Variants in TPO observed in about 807,000 individuals in gnomAD.
The protein encoded by TPO is thyroid peroxidase.
A neutral mutation model predicts 96.9 loss-of-function variants in TPO; 78 were observed. That is an observed-to-expected ratio of 0.81 (90% CI 0.67 to 0.97). The LOEUF (loss-of-function observed/expected upper bound fraction) is 0.97, where lower values mean the gene tolerates loss of function less well. Among genes scored for constraint, TPO ranks in the 50% least tolerant of loss-of-function variants. TPO has a pLI of 0.00. For missense variants in TPO, 1,252 were observed against 1,274.8 expected, an observed-to-expected ratio of 0.98 and a Z score of 0.27; for synonymous variants, 547 against 538.0, an observed-to-expected ratio of 1.02 and a Z score of -0.23.
intron 15 of TPO, among the ~76,000 whole-genome samples, chr2:1,538,306 C>A (rs1396623049): frequency 6.6e-6 from 1 of 152,088 alleles, no homozygotes; most frequent in Non-Finnish European, 1.5e-5. Context: ...CAAAGGAAAG[C>A]GGGTTGAATT....
intron 16 of TPO, chr2:1,540,982 G>GT: frequency 6.9e-7 from 1 of 1,449,928 alleles, no homozygotes; most frequent in Non-Finnish European, 9.2e-7. Flanking sequence ...ACTTTCAGGC[G>GT]TTTGCTTCCA....
chr2:1,487,951 G>A lies in TPO; in HGVS notation c.1728G>A (p.Ala576=), dbSNP rs78406347. The A allele has an allele frequency of 0.013, 20,662 of 1,613,894 alleles. 687 individuals carry two copies. The highest frequency in any genetic ancestry group is 0.11 in the East Asian group (4,742 of 44,866). ...CCAATTCCAGCACCTTGGATCTGGC[G>A]TCCATCAACCTGCAGAGGGGCCGGG... ...VLSNSSTLDL[A]SINLQRGRDH... Residue 576 remains alanine, a synonymous_variant, in exon 10 of 17, where the codon GCG becomes GCA. Transcript: ENST00000329066.
intron 15 of TPO, among the ~76,000 whole-genome samples, chr2:1,538,839 C>T (rs1680383251): frequency 6.6e-6 from 1 of 152,158 alleles, no homozygotes; most frequent in Non-Finnish European, 1.5e-5. Flanking sequence ...CAGGGCTTTG[C>T]TCCCCCCGAA....
intron 1 of TPO, among the ~76,000 whole-genome samples, chr2:1,394,867 T>G (rs1266249192): frequency 1.3e-5 from 2 of 152,114 alleles, no homozygotes; most frequent in Admixed American, 6.5e-5. Flanking sequence ...GAGATGCGGT[T>G]AGATTTGCAG....
intron 5 of TPO, among the ~76,000 whole-genome samples, chr2:1,438,364 C>T (rs1014888926): frequency 6.6e-6 from 1 of 152,176 alleles, no homozygotes; most frequent in Non-Finnish European, 1.5e-5. Flanking sequence ...TCTTAAACAG[C>T]GTTAACAAGT....
At chr2:1,411,581 A>G (rs1327307374), upstream of TPO, among the ~76,000 whole-genome samples, 4 of 152,204 alleles carry the variant, frequency 2.6e-5, no homozygotes, top group Non-Finnish European at 5.9e-5. Context: ...GAATGCCTTA[A>G]CAAAGGGCCA....
At chr2:1,388,897 T>G (rs1278977902) in intron 1 of TPO, among the ~76,000 whole-genome samples, 2 of 152,180 alleles carry the variant, frequency 1.3e-5, no homozygotes, top group Non-Finnish European at 2.9e-5. Context: ...ACCTGTACCT[T>G]CCTAGACGGG....
intron 15 of TPO, among the ~76,000 whole-genome samples, chr2:1,536,787 C>T (rs1380926147): frequency 1.6e-5 from 2 of 122,764 alleles, no homozygotes; most frequent in African/African-American, 6.4e-5. Context: ...CTCCCCAAAT[C>T]CCCCGCAATC....
intron 3 of TPO, among the ~76,000 whole-genome samples, chr2:1,430,237 T>C (rs918584196): frequency 5.9e-5 from 9 of 152,148 alleles, no homozygotes; most frequent in Non-Finnish European, 1.3e-4. Flanking sequence ...GCTCTGGGCT[T>C]GGCTCAGAGG....
intron 15 of TPO, among the ~76,000 whole-genome samples, chr2:1,520,391 A>T (rs548921808): frequency 1.3e-5 from 2 of 152,290 alleles, no homozygotes; most frequent in African/African-American, 4.8e-5. Context: ...AGAAAGAGAG[A>T]CAGAGACAGC....
At chr2:1,448,740 A>G (rs865924886) in intron 5 of TPO, among the ~76,000 whole-genome samples, 36 of 152,216 alleles carry the variant, frequency 2.4e-4, no homozygotes, top group African/African-American at 8.7e-4. Context: ...TCACGGCATC[A>G]CAGAATCAGA....
chr2:1,514,611 C>T (rs989400544), intron 14 of TPO, among the ~76,000 whole-genome samples: 3 of 152,128 alleles, frequency 2.0e-5, no homozygotes, highest in African/African-American at 7.2e-5. Flanking sequence ...CTGAAGAGGT[C>T]GGAAAGCCAC....
chr2:1,528,243 TC>T lies in TPO; in HGVS notation c.2618+11267del, dbSNP rs150907781. Among the ~76,000 whole-genome samples, 314 of 39,264 alleles carry T rather than the reference TC, an allele frequency of 8.0e-3. 3 individuals carry two copies. Among genetic ancestry groups the T allele is most frequent in the African/African-American group, 0.033 (301 of 9,212 alleles). The allele number at this position is 39,264 out of a possible 152,430, so 25.8% of individuals were successfully genotyped here. A position where few individuals can be genotyped will look rare whatever the true frequency, so the allele number is the denominator to read the frequency against. The stretch of plus-strand genomic sequence containing the variant: ...CCCCACTGTGTGAAACCTCCCCAAA[TC>T]CCCCCAATGTAGGCAACCCCCCAAA... On this transcript the variant is annotated intron_variant, in intron 15 of 16. Transcript: ENST00000329066.
At chr2:1,488,108 T>C in intron 10 of TPO, 117 bp downstream of exon 10, 1 of 1,443,344 alleles carries the variant, frequency 6.9e-7, no homozygotes, top group Non-Finnish European at 9.5e-7. Context: ...TGAGGCCTTC[T>C]AAGCAACGGC....
intron 7 of TPO, among the ~76,000 whole-genome samples, chr2:1,467,590 T>C (rs1165943163): frequency 6.6e-6 from 1 of 152,214 alleles, no homozygotes; most frequent in Non-Finnish European, 1.5e-5. Context: ...TTATTGAGGC[T>C]TATTTTGAGA....
chr2:1,435,748 T>C (rs761842786), intron 4 of TPO, among the ~76,000 whole-genome samples: 8 of 152,146 alleles, frequency 5.3e-5, no homozygotes, highest in Non-Finnish European at 1.0e-4. Flanking sequence ...CAAAAATCAA[T>C]ACAAAGGAAA....
At chr2:1,401,169 A>G (rs1662166288) in intron 1 of TPO, among the ~76,000 whole-genome samples, 1 of 152,220 alleles carries the variant, frequency 6.6e-6, no homozygotes, top group Admixed American at 6.5e-5. Flanking sequence ...GGCAGCGTGC[A>G]CATCACAATC....
intron 7 of TPO, among the ~76,000 whole-genome samples, chr2:1,475,505 G>A (rs1232151848): frequency 2.0e-5 from 3 of 151,746 alleles, no homozygotes; most frequent in African/African-American, 7.3e-5. Context: ...CTCACTGCAA[G>A]CTCCGCCTCC....
chr2:1,415,933 A>G (rs920304513), intron 2 of TPO, among the ~76,000 whole-genome samples: 13 of 151,308 alleles, frequency 8.6e-5, no homozygotes, highest in South Asian at 2.1e-4. Flanking sequence ...CCTTAAAAAA[A>G]CTCTCCCTCC....
Sources: allele counts gnomAD v4.1 joint callset (sites outside exome capture counted in the v4.1 genomes callset), GRCh38; gene constraint gnomAD v4.1.1; transcripts MANE v1.5; gene names NCBI Gene and HGNC (gene_info 2026-07-23, HGNC 2026-07-21).